CDC73: variants seen among roughly 807,000 people sequenced by gnomAD.
CDC73 encodes the protein cell division cycle 73.
In CDC73, 21 loss-of-function variants were observed where a neutral mutation model predicts 83.7. That is an observed-to-expected ratio of 0.25 (90% CI 0.18 to 0.36). The LOEUF (loss-of-function observed/expected upper bound fraction) is 0.36. CDC73 is among the 10% of genes least tolerant of loss of function. The probability of loss-of-function intolerance (pLI) is 1.00; values close to 1 mark genes in which losing one functional copy is unlikely to be tolerated. For missense variants in CDC73, 342 were observed against 653.3 expected, an observed-to-expected ratio of 0.52 and a Z score of 5.19; for synonymous variants, 224 against 212.9, an observed-to-expected ratio of 1.05 and a Z score of -0.45.
intron 1 of CDC73, among the ~76,000 whole-genome samples, chr1:193,124,295 GTTCTT>G (rs1376369869): frequency 2.6e-5 from 4 of 152,018 alleles, no homozygotes; most frequent in African/African-American, 9.7e-5. Flanking sequence ...TTATTTTTCT[GTTCTT>G]TTCTATTCTG....
chr1:193,234,118 C>G (rs1189587117), intron 14 of CDC73, among the ~76,000 whole-genome samples: 1 of 146,620 alleles, frequency 6.8e-6, no homozygotes, highest in Non-Finnish European at 1.5e-5. Context: ...AGACCAGCCC[C>G]TTAAACTTAT....
At chr1:193,246,510 A>G (rs1476254419) in intron 15 of CDC73, among the ~76,000 whole-genome samples, 1 of 152,146 alleles carries the variant, frequency 6.6e-6, no homozygotes, top group African/African-American at 2.4e-5. Context: ...TCATCATACA[A>G]AAACCACTAG....
chr1:193,180,782 A>G lies in CDC73; in HGVS notation c.973-23013A>G, dbSNP rs1367350064. On this transcript the variant is annotated intron_variant, in intron 10 of 16. Transcript: ENST00000367435. ...GGCTTCAGTAACTTATTGATTAAAT[A>G]TTCAGTGTTGACAAACATGTCACTG... 1.2e-6 allele frequency: 2 copies of G among 1,614,114 alleles called. No individual in the cohort carries two copies. The highest frequency in any genetic ancestry group is 3.3e-5 in the Admixed American group (2 of 60,016).
chr1:193,253,345 C>A lies in CDC73; in HGVS notation c.*2633C>A, dbSNP rs1046171773. On this transcript the variant is annotated 3_prime_UTR_variant, in exon 17 of 17. Transcript: ENST00000367435. ...CACTGGTTTAATTTGTTATTGAAAA[C>A]AGTACCAGTATTAAATGTGTTTCCT... 1.3e-4 allele frequency: 30 copies of A among 232,398 alleles called. No homozygotes were observed. Among genetic ancestry groups the A allele is most frequent in the African/African-American group, 6.4e-4 (29 of 45,412 alleles). 14.4% of individuals were successfully genotyped at this position (232,398 alleles called of 1,614,324 possible). A position where few individuals can be genotyped will look rare whatever the true frequency, so the allele number is the denominator to read the frequency against.
chr1:193,134,176 A>G (rs968601869), intron 3 of CDC73, among the ~76,000 whole-genome samples: 2 of 152,070 alleles, frequency 1.3e-5, no homozygotes, highest in Non-Finnish European at 2.9e-5. Flanking sequence ...GGTGAATGCT[A>G]ACTTTAAAAA....
intron 13 of CDC73, among the ~76,000 whole-genome samples, chr1:193,217,291 G>T (rs1358320259): frequency 6.6e-6 from 1 of 152,110 alleles, no homozygotes; most frequent in Non-Finnish European, 1.5e-5. Flanking sequence ...CCTATAGGCG[G>T]CTTGTGTTAA....
intron 3 of CDC73, among the ~76,000 whole-genome samples, chr1:193,134,618 C>G (rs1007530225): frequency 6.6e-6 from 1 of 152,014 alleles, no homozygotes; most frequent in Non-Finnish European, 1.5e-5. Flanking sequence ...TTGCAGTAAG[C>G]CAGGATCGCC....
chr1:193,243,933 G>A (rs1677905949), intron 15 of CDC73, among the ~76,000 whole-genome samples: 1 of 152,088 alleles, frequency 6.6e-6, no homozygotes, highest in South Asian at 2.1e-4. Flanking sequence ...ATGCTAGCAA[G>A]CAATATGAAA....
chr1:193,230,772 G>A (rs928334324), intron 13 of CDC73, among the ~76,000 whole-genome samples: 1 of 152,070 alleles, frequency 6.6e-6, no homozygotes, highest in African/African-American at 2.4e-5. Context: ...GGGTGAACAG[G>A]TAAAATTATA....
intron 15 of CDC73, among the ~76,000 whole-genome samples, chr1:193,239,826 A>C (rs935959053): frequency 1.3e-5 from 2 of 152,164 alleles, no homozygotes; most frequent in African/African-American, 4.8e-5. Context: ...TCTGCTTTTG[A>C]ACATTAGAAT....
chr1:193,203,810 C>T lies in CDC73; in HGVS notation c.988C>T (p.Arg330Trp), dbSNP rs1244272523. The change falls in exon 11 of 17, where the codon CGG (arginine) becomes TGG (tryptophan). Residue 330 changes from arginine to tryptophan, a missense_variant. Arg to Trp is a moderately radical substitution (Grantham distance 101). Coordinates refer to ENST00000367435, the MANE Select transcript of CDC73 (RefSeq NM_024529.5). ...TCTTTTAAAGGAGGGTGCATCTGCC[C>T]GGAAGACTCAGACTCCTGCAGCCCA... ...LKSVTEGASARKTQTPAAQPV... is the reference protein window; with the variant it reads ...LKSVTEGASAWKTQTPAAQPV... 4.3e-6 allele frequency: 7 copies of T among 1,613,168 alleles called. No individual in the cohort carries two copies. The highest frequency in any genetic ancestry group is 1.7e-4 in the Middle Eastern group (1 of 6,058).
chr1:193,151,116 A>G (rs1330281000), intron 9 of CDC73, among the ~76,000 whole-genome samples: 1 of 152,226 alleles, frequency 6.6e-6, no homozygotes, highest in Non-Finnish European at 1.5e-5. Context: ...AGGTGAGACT[A>G]ATGTCAGTGT....
intron 15 of CDC73, 119 bp downstream of exon 15, chr1:193,236,475 CAT>C (rs749234659): frequency 2.1e-5 from 15 of 728,332 alleles, no homozygotes; most frequent in Admixed American, 4.0e-5. Flanking sequence ...TGTTAAGTAA[CAT>C]ATGTTAATGT....
intron 9 of CDC73, 56 bp from the exon 10 acceptor site, chr1:193,152,324 G>T (rs969766968): frequency 5.6e-6 from 6 of 1,073,082 alleles, no homozygotes; most frequent in Non-Finnish European, 7.2e-6. Flanking sequence ...ATTTGTTATA[G>T]GTCATAAGAT....
At chr1:193,235,523 A>AG (rs1677742181) in intron 14 of CDC73, among the ~76,000 whole-genome samples, 2 of 152,194 alleles carry the variant, frequency 1.3e-5, no homozygotes, top group Non-Finnish European at 2.9e-5. Flanking sequence ...TATTGGCTTT[A>AG]ACTGTTTATG....
intron 7 of CDC73, among the ~76,000 whole-genome samples, chr1:193,143,118 C>G (rs1434336397): frequency 1.3e-5 from 2 of 152,054 alleles, no homozygotes; most frequent in African/African-American, 4.8e-5. Context: ...AGAAATAAAG[C>G]TATGAAAAGA....
intron 10 of CDC73, among the ~76,000 whole-genome samples, chr1:193,183,286 C>T (rs546279992): frequency 1.3e-5 from 2 of 151,102 alleles, no homozygotes; most frequent in South Asian, 2.1e-4. Context: ...TAGGCACCAG[C>T]GTTTGAAATT....
At chr1:193,200,748 TAATAC>T (rs959132651) in intron 10 of CDC73, among the ~76,000 whole-genome samples, 13 of 151,662 alleles carry the variant, frequency 8.6e-5, no homozygotes, top group Admixed American at 7.2e-4. Flanking sequence ...TTCTGTTTCT[TAATAC>T]ATTCCGTGTG....
At chr1:193,138,317 G>A (rs1675837665) in intron 6 of CDC73, 144 bp downstream of exon 6, 4 of 690,572 alleles carry the variant, frequency 5.8e-6, no homozygotes, top group Non-Finnish European at 1.1e-5. Flanking sequence ...GTAAGAACAT[G>A]TGTGGGGATT....
Sources: allele counts gnomAD v4.1 joint callset (sites outside exome capture counted in the v4.1 genomes callset), GRCh38; gene constraint gnomAD v4.1.1; transcripts MANE v1.5; gene names NCBI Gene and HGNC (gene_info 2026-07-23, HGNC 2026-07-21).